Variants in EVL observed in about 807,000 individuals in gnomAD.
EVL encodes ena/VASP-like protein.
A neutral mutation model predicts 59.6 loss-of-function variants in EVL; 21 were observed. The ratio of observed to expected loss-of-function variants is 0.35; its 90% CI spans 0.25 to 0.51. The LOEUF is 0.51. Among genes scored for constraint, EVL ranks in the 20% least tolerant of loss-of-function variants. The pLI, the probability that EVL is intolerant of heterozygous loss-of-function variation, is 0.97. For synonymous variants in EVL, 198 were observed against 203.5 expected, an observed-to-expected ratio of 0.97 and a Z score of 0.23; for missense variants, 462 against 546.6, an observed-to-expected ratio of 0.85 and a Z score of 1.54.
At chr14:100,137,922 G>A (rs971089833) in intron 11 of EVL, 120 bp downstream of exon 11, 4 of 1,014,784 alleles carry the variant, frequency 3.9e-6, no homozygotes, top group African/African-American at 1.6e-5. Flanking sequence ...CTTGCTCTGC[G>A]AAGGTGGTCT....
intron 1 of EVL, among the ~76,000 whole-genome samples, chr14:100,051,171 T>C (rs61984482): frequency 6.6e-6 from 1 of 152,276 alleles, no homozygotes; most frequent in South Asian, 2.1e-4. Flanking sequence ...AGAAATAATT[T>C]GTAAATTTTA....
chr14:100,065,420 C>G (rs887355403), upstream of EVL: 4 of 1,310,258 alleles, frequency 3.1e-6, no homozygotes, highest in Non-Finnish European at 3.0e-6. Flanking sequence ...TTCAGAGGGT[C>G]TGTGGTCCTC....
chr14:99,990,069 C>G (rs1390280041), intron 1 of EVL, among the ~76,000 whole-genome samples: 1 of 152,222 alleles, frequency 6.6e-6, no homozygotes, highest in African/African-American at 2.4e-5. Context: ...AGGTTAAACA[C>G]TTTGCTTACT....
At chr14:100,124,884 G>C (rs1193456455) in intron 4 of EVL, among the ~76,000 whole-genome samples, 1 of 152,124 alleles carries the variant, frequency 6.6e-6, no homozygotes, top group Non-Finnish European at 1.5e-5. Flanking sequence ...GAACAGCAGG[G>C]GACACACACA....
At chr14:100,009,521 G>A (rs1274720824) in intron 1 of EVL, among the ~76,000 whole-genome samples, 1 of 152,018 alleles carries the variant, frequency 6.6e-6, no homozygotes, top group African/African-American at 2.4e-5. Flanking sequence ...TGTTTTTTTA[G>A]TCCATTCAAT....
At chr14:100,031,603 C>T (rs2061315680) in intron 1 of EVL, among the ~76,000 whole-genome samples, 1 of 152,106 alleles carries the variant, frequency 6.6e-6, no homozygotes, top group Non-Finnish European at 1.5e-5. Flanking sequence ...TATGCTGGTT[C>T]GTGGTCTTTC....
At chr14:100,116,441 T>C (rs1460360105) in intron 3 of EVL, among the ~76,000 whole-genome samples, 1 of 152,156 alleles carries the variant, frequency 6.6e-6, no homozygotes, top group Non-Finnish European at 1.5e-5. Flanking sequence ...AGACTTCCCA[T>C]AGAGACTAAC....
intron 1 of EVL, among the ~76,000 whole-genome samples, chr14:100,003,177 A>G (rs1407868550): frequency 6.6e-6 from 1 of 152,132 alleles, no homozygotes; most frequent in African/African-American, 2.4e-5. Context: ...CTGGGCCTTG[A>G]GGAGTTGAAT....
intron 12 of EVL, 82 bp from the exon 13 acceptor site, chr14:100,141,654 G>A: frequency 7.2e-7 from 1 of 1,382,044 alleles, no homozygotes; most frequent in East Asian, 2.3e-5. Flanking sequence ...GAGACCCCAA[G>A]CCCTTTGGAC....
Position 100,054,562 on chromosome 14 carries a change from G to C in EVL, c.6-30125G>C, listed in dbSNP as rs527630403. Among the ~76,000 whole-genome samples the C allele has an allele frequency of 7.2e-5, 11 of 152,178 alleles. No individual in the cohort carries two copies. In the South Asian group the frequency reaches 2.1e-3, roughly 29 times the overall value. On this transcript the variant is annotated intron_variant, in intron 1 of 13. Coordinates refer to the EVL transcript ENST00000402714. ...ATTTCCCCTGCTCTAAATCAACCCA[G>C]AACCAGGTCCCAGACAACTAGGGAC...
At chr14:99,989,025 C>A (rs1318203465) in intron 1 of EVL, among the ~76,000 whole-genome samples, 1 of 152,132 alleles carries the variant, frequency 6.6e-6, no homozygotes, top group African/African-American at 2.4e-5. Context: ...TTGTACAATT[C>A]TGTGAATATC....
chr14:100,096,025 G>A (rs972551928), intron 2 of EVL, among the ~76,000 whole-genome samples: 1 of 152,160 alleles, frequency 6.6e-6, no homozygotes, highest in Non-Finnish European at 1.5e-5. Flanking sequence ...ACCATGCCCA[G>A]CTTCAATTAC....
chr14:99,977,723 C>CGT (rs1373306988), intron 1 of EVL, among the ~76,000 whole-genome samples: 2 of 152,162 alleles, frequency 1.3e-5, no homozygotes, highest in Admixed American at 6.5e-5. Context: ...CATGAGCCAC[C>CGT]GTGCCTGGCC....
intron 1 of EVL, among the ~76,000 whole-genome samples, chr14:99,979,444 A>T (rs891565793): frequency 6.6e-6 from 1 of 151,924 alleles, no homozygotes; most frequent in African/African-American, 2.4e-5. Context: ...CTGACATTTA[A>T]GTTATTGTTT....
chr14:100,025,398 C>T (rs1003798251), intron 1 of EVL, among the ~76,000 whole-genome samples: 4 of 152,166 alleles, frequency 2.6e-5, no homozygotes, highest in Non-Finnish European at 4.4e-5. Context: ...GATTGCTCTG[C>T]CCCCAGGTGG....
intron 3 of EVL, among the ~76,000 whole-genome samples, chr14:100,102,874 G>A (rs1486837273): frequency 6.6e-6 from 1 of 152,110 alleles, no homozygotes; most frequent in Non-Finnish European, 1.5e-5. Flanking sequence ...GAGGCGGGCG[G>A]ATCACAAGGT....
At chr14:100,003,815 G>A (rs1268102397) in intron 1 of EVL, among the ~76,000 whole-genome samples, 2 of 152,208 alleles carry the variant, frequency 1.3e-5, no homozygotes, top group African/African-American at 4.8e-5. Flanking sequence ...TTGATAAAAT[G>A]TAAAATCTGT....
Position 100,032,435 on chromosome 14 carries a change from G to A in EVL, c.6-52252G>A, listed in dbSNP as rs550050567. Among the ~76,000 whole-genome samples the A allele has an allele frequency of 2.0e-5, 3 of 152,146 alleles. 1 individual carries two copies. The South Asian group carries it at 6.2e-4, about 32-fold the overall frequency. On this transcript the variant is annotated intron_variant, in intron 1 of 13. Transcript: ENST00000402714. ...AATCAATTCATCCCTACCCATGACC[G>A]AATGCTTAAACACAGCTTGCTTCAT...
intron 3 of EVL, among the ~76,000 whole-genome samples, chr14:100,111,141 T>G (rs1886950588): frequency 1.4e-5 from 2 of 145,422 alleles, no homozygotes; most frequent in Admixed American, 7.2e-5. Context: ...TAAGCCTTAG[T>G]GTCCTCATTT....
Sources: gnomAD v4.1 joint callset for allele counts (sites outside exome capture counted in the v4.1 genomes callset) on GRCh38, gnomAD v4.1.1 for gene constraint, MANE v1.5 for transcripts, NCBI Gene and HGNC (gene_info 2026-07-23, HGNC 2026-07-21) for gene names.